BEND6: variants seen among roughly 807,000 people sequenced by gnomAD.
BEND6 encodes the protein BEN domain-containing protein 6.
Under a neutral mutation model 31.8 loss-of-function variants are expected in BEND6, and 24 were observed. The observed-to-expected ratio is 0.75, with a 90% CI of 0.55 to 1.06. The LOEUF is 1.06. Ranked by LOEUF, BEND6 falls within the 50% of genes least tolerant of loss-of-function variation. BEND6 has a pLI of 0.00. For missense variants in BEND6, 294 were observed against 327.4 expected, an observed-to-expected ratio of 0.90 and a Z score of 0.79; for synonymous variants, 109 against 114.6, an observed-to-expected ratio of 0.95 and a Z score of 0.31.
chr6:56,955,737 G>A (rs1824782997), intron 1 of BEND6, among the ~76,000 whole-genome samples: 1 of 152,188 alleles, frequency 6.6e-6, no homozygotes. Context: ...CATTTGAAGG[G>A]CAAGGCGATT....
chr6:56,970,538 T>C (rs1376263330), intron 1 of BEND6, among the ~76,000 whole-genome samples: 3 of 152,182 alleles, frequency 2.0e-5, no homozygotes, highest in Admixed American at 6.5e-5. Flanking sequence ...CCTGCAACTA[T>C]TAGAGAATTA....
chr6:56,962,689 T>C lies in BEND6; in HGVS notation c.-101+7229T>C, dbSNP rs117817499. On this transcript the variant is annotated intron_variant, in intron 1 of 6. Transcript: ENST00000370746. ...ACTTAGAGAAGATATTGCAGGATTG[T>C]AGTTAATGTATCAGACTTCCTGGTG... Among the ~76,000 whole-genome samples, 235 of 152,318 alleles carry C rather than the reference T, an allele frequency of 1.5e-3. 3 individuals are homozygous for C. In the East Asian group the frequency reaches 0.036, roughly 23 times the overall value.
rs112704904 is a variant in BEND6, at chr6:56,990,594, C to G, written c.121-1784C>G. On this transcript the variant is annotated intron_variant, in intron 2 of 6. Transcript: ENST00000370746. ...TTGGTCATATTGTCTAACCCTGAAC[C>G]AGCACCCTACGGTTTTCTAGATTTT... Among the ~76,000 whole-genome samples the G allele has an allele frequency of 5.2e-3, 797 of 152,174 alleles. 7 individuals carry two copies. Among genetic ancestry groups the G allele is most frequent in the African/African-American group, 0.018 (762 of 41,526 alleles).
intron 3 of BEND6, among the ~76,000 whole-genome samples, chr6:56,999,007 G>T (rs1826829870): frequency 6.6e-6 from 1 of 152,200 alleles, no homozygotes; most frequent in African/African-American, 2.4e-5. Flanking sequence ...AGCCCACTCT[G>T]CTGAAGCCAT....
intron 6 of BEND6, among the ~76,000 whole-genome samples, chr6:57,020,836 T>G (rs1007328018): frequency 6.7e-6 from 1 of 149,538 alleles, no homozygotes; most frequent in Non-Finnish European, 1.5e-5. Flanking sequence ...AACTCTTGTT[T>G]TTTTTTTTTT....
chr6:56,985,118 G>A lies in BEND6; in HGVS notation c.120+3188G>A, dbSNP rs116505314. On this transcript the variant is annotated intron_variant, in intron 2 of 6. Transcript: ENST00000370746. ...TTCAAAGGTATTCCAGGTGACTGTT[G>A]TACCAAATATGCCCCAAGGTCTAAC... Among the ~76,000 whole-genome samples, 973 of 152,236 alleles carry A rather than the reference G, an allele frequency of 6.4e-3. 10 individuals are homozygous for A. Among genetic ancestry groups the A allele is most frequent in the African/African-American group, 0.022 (930 of 41,530 alleles).
At chr6:56,990,282 G>A (rs558548733) in intron 2 of BEND6, among the ~76,000 whole-genome samples, 4 of 119,356 alleles carry the variant, frequency 3.4e-5, no homozygotes, top group South Asian at 2.6e-4. Context: ...ACAGGGTCTC[G>A]CTCTGTCTTC....
intron 1 of BEND6, among the ~76,000 whole-genome samples, chr6:56,957,570 C>T (rs1480254987): frequency 6.6e-6 from 1 of 152,068 alleles, no homozygotes; most frequent in Non-Finnish European, 1.5e-5. Context: ...CCTTGCCTTC[C>T]TGGTAGGTTT....
rs747755047 is a variant in BEND6, at chr6:56,981,916, A to G, written c.106A>G (p.Met36Val). The change falls in exon 2 of 7, where the codon ATG becomes GTG. Residue 36 changes from methionine (M) to valine (V), a missense_variant. Coordinates refer to ENST00000370746, the MANE Select transcript of BEND6 (RefSeq NM_152731.3). ...TMDSENANSD[M>V]DKGQRDPYSG... ...GGACTCAGAAAATGCAAATAGTGAC[A>G]TGGATAAAGGACAGGTTGGTTTTTT... 9 of 1,611,464 alleles carry G rather than the reference A, an allele frequency of 5.6e-6. No individual in the cohort carries two copies. The highest frequency in any genetic ancestry group is 2.7e-5 in the African/African-American group (2 of 74,802).
intron 3 of BEND6, among the ~76,000 whole-genome samples, chr6:57,005,848 A>C (rs2127880040): frequency 6.6e-6 from 1 of 152,330 alleles, no homozygotes; most frequent in South Asian, 2.1e-4. Context: ...TGAAAGAATA[A>C]ACCGGCAAGA....
intron 3 of BEND6, among the ~76,000 whole-genome samples, chr6:56,993,322 A>G (rs1036435106): frequency 6.6e-6 from 1 of 152,192 alleles, no homozygotes. Flanking sequence ...CAGTTGTAAA[A>G]CAGTAAATAC....
chr6:57,008,082 C>A, intron 3 of BEND6: 2 of 679,152 alleles, frequency 2.9e-6, no homozygotes, highest in Admixed American at 4.4e-5. Flanking sequence ...AGGTCAGAGA[C>A]AAAAATGCTT....
At chr6:57,014,194 G>A (rs1210176810) in intron 3 of BEND6, among the ~76,000 whole-genome samples, 5 of 152,130 alleles carry the variant, frequency 3.3e-5, no homozygotes, top group Admixed American at 2.6e-4. Context: ...GTACATGAGA[G>A]GTGCTTAATA....
intron 1 of BEND6, among the ~76,000 whole-genome samples, chr6:56,979,741 A>G (rs114877295): frequency 0.013 from 2,045 of 152,332 alleles, 50 homozygotes; most frequent in African/African-American, 0.046. Flanking sequence ...GTAAATACCT[A>G]TATAATATCC....
chr6:57,008,072 AG>A, intron 3 of BEND6: 1 of 671,488 alleles, frequency 1.5e-6, no homozygotes, highest in East Asian at 2.7e-5. Context: ...TTCAACTAGA[AG>A]GTCAGAGACA....
intron 1 of BEND6, among the ~76,000 whole-genome samples, chr6:56,962,717 T>A (rs1592963235): frequency 6.6e-6 from 1 of 152,312 alleles, no homozygotes; most frequent in Admixed American, 6.5e-5. Context: ...TCCTGGTGGT[T>A]TGCCATCTGG....
At chr6:56,970,989 A>T (rs1318579623) in intron 1 of BEND6, among the ~76,000 whole-genome samples, 1 of 152,222 alleles carries the variant, frequency 6.6e-6, no homozygotes, top group Admixed American at 6.5e-5. Flanking sequence ...CATAAAATTT[A>T]CCATTTTAAT....
In BEND6 at chr6:57,026,990, G is replaced by A. The variant is rs146377784; in HGVS notation, c.*918G>A. 1 of 152,060 alleles carries A rather than the reference G, an allele frequency of 6.6e-6. No homozygotes were observed. Among genetic ancestry groups the A allele is most frequent in the Non-Finnish European group, 1.5e-5 (1 of 68,002 alleles). 9.4% of individuals were successfully genotyped at this position (152,060 alleles called of 1,614,324 possible). On this transcript the variant is annotated 3_prime_UTR_variant, in exon 7 of 7. Transcript: ENST00000370746. ...TAACTGGTTTATTTTTATTGTAGCAGAAATGAACTGAAAAAAAATATGGGT... is the reference window on the plus strand; with the variant it reads ...TAACTGGTTTATTTTTATTGTAGCAAAAATGAACTGAAAAAAAATATGGGT...
chr6:56,984,779 C>CA (rs2127855496), intron 2 of BEND6, among the ~76,000 whole-genome samples: 1 of 152,236 alleles, frequency 6.6e-6, no homozygotes, highest in South Asian at 2.1e-4. Flanking sequence ...ATATACAAAA[C>CA]AAAAAGCTTG....
Sources: allele counts gnomAD v4.1 joint callset (sites outside exome capture counted in the v4.1 genomes callset), GRCh38; gene constraint gnomAD v4.1.1; transcripts MANE v1.5; gene names NCBI Gene and HGNC (gene_info 2026-07-23, HGNC 2026-07-21).